Variants in GP6 observed in about 807,000 individuals in gnomAD.
GP6 encodes the protein platelet glycoprotein VI.
A neutral mutation model predicts 37.3 loss-of-function variants in GP6; 45 were observed. The ratio of observed to expected loss-of-function variants is 1.21; its 90% CI spans 0.95 to 1.55. The LOEUF is 1.55. GP6 is among the 40% of genes most tolerant of loss of function. The pLI is 0.00. For synonymous variants in GP6, 340 were observed against 316.4 expected, an observed-to-expected ratio of 1.07 and a Z score of -0.79; for missense variants, 813 against 760.2, an observed-to-expected ratio of 1.07 and a Z score of -0.82.
rs1233364305 is a variant in GP6 at position 55,033,255 on chromosome 19, G to A, written c.35-717C>T. ...CGTGTTAGACACGGTGGACTCGTTCGTGTTAGACACGGTGGACTCGTTCGT... is the reference window on the plus strand; with the variant it reads ...CGTGTTAGACACGGTGGACTCGTTCATGTTAGACACGGTGGACTCGTTCGT... On this transcript the variant is annotated intron_variant, in intron 1 of 7. Transcript: ENST00000310373. 2.1e-5 allele frequency among the ~76,000 whole-genome samples: 2 copies of A among 96,916 alleles called. 1 individual carries two copies. Among genetic ancestry groups the A allele is most frequent in the Non-Finnish European group, 4.2e-5 (2 of 48,114 alleles). 63.6% of individuals were successfully genotyped at this position (96,916 alleles called of 152,430 possible). A position where few individuals can be genotyped will look rare whatever the true frequency, so the allele number is the denominator to read the frequency against.
Position 55,038,200 on chromosome 19 carries a change from C to T in GP6, c.34+3G>A, listed in dbSNP as rs552154383. On this transcript the variant is annotated splice_donor_region_variant and intron_variant, in intron 1 of 7. Transcript: ENST00000310373. ...TTTCCCAGATCTGACCCTCAGGACT[C>T]ACCAAGACAGAAGAGGGCGGTCGGG... The T allele has an allele frequency of 6.3e-7, 1 of 1,590,812 alleles. No homozygotes were observed. The highest frequency in any genetic ancestry group is 1.1e-5 in the South Asian group (1 of 87,586).
intron 1 of GP6, among the ~76,000 whole-genome samples, chr19:55,034,304 C>T (rs1194178760): frequency 6.6e-6 from 1 of 152,028 alleles, no homozygotes. Context: ...TGCCTATAAT[C>T]CCAGCACTTT....
intron 1 of GP6, among the ~76,000 whole-genome samples, chr19:55,034,382 C>T (rs1170157627): frequency 6.6e-6 from 1 of 151,936 alleles, no homozygotes; most frequent in East Asian, 1.9e-4. Flanking sequence ...TGGTGAAACA[C>T]CATCTCTACT....
At chr19:55,027,983 G>A (rs1311065629) in intron 3 of GP6, 121 bp from the exon 4 acceptor site, 20 of 937,520 alleles carry the variant, frequency 2.1e-5, no homozygotes, top group Middle Eastern at 2.9e-4. Flanking sequence ...CCCAGAGAGC[G>A]CACTCCCCCA....
chr19:55,028,408 A>G (rs2074390952), intron 3 of GP6, among the ~76,000 whole-genome samples: 1 of 152,212 alleles, frequency 6.6e-6, no homozygotes, highest in Non-Finnish European at 1.5e-5. Flanking sequence ...TATAAATGAA[A>G]CTAAGGCACA....
chr19:55,038,132 C>G (rs1238240724), intron 1 of GP6, 71 bp downstream of exon 1: 1 of 1,276,290 alleles, frequency 7.8e-7, no homozygotes, highest in Non-Finnish European at 1.1e-6. Context: ...ATGCAAATTT[C>G]TTAAAAATCC....
chr19:55,030,095 A>T (rs2074503327), intron 3 of GP6, among the ~76,000 whole-genome samples: 1 of 152,210 alleles, frequency 6.6e-6, no homozygotes, highest in Admixed American at 6.6e-5. Flanking sequence ...TTCTGTTTGA[A>T]TACTTTATTC....
intron 7 of GP6, 46 bp from the exon 8 acceptor site, chr19:55,015,211 C>T (rs1280520842): frequency 1.3e-6 from 2 of 1,549,986 alleles, no homozygotes; most frequent in Admixed American, 2.0e-5. Context: ...AGCCCACCTC[C>T]AGGACCCCCT....
intron 2 of GP6, 47 bp downstream of exon 2, chr19:55,032,459 G>A (rs375999257): frequency 1.5e-4 from 234 of 1,613,208 alleles, no homozygotes; most frequent in Non-Finnish European, 1.8e-4. Flanking sequence ...CGCTGCTCCC[G>A]CGCTGGCGGA....
At chr19:55,031,945 C>A (rs565245595) in intron 3 of GP6, among the ~76,000 whole-genome samples, 194 bp downstream of exon 3, 1 of 152,108 alleles carries the variant, frequency 6.6e-6, no homozygotes, top group Non-Finnish European at 1.5e-5. Context: ...TGCTCTCCAC[C>A]CTGGGTGACG....
At chr19:55,024,031 GGT>G (rs1257285382) in intron 5 of GP6, among the ~76,000 whole-genome samples, 1 of 152,204 alleles carries the variant, frequency 6.6e-6, no homozygotes, top group African/African-American at 2.4e-5. Flanking sequence ...CTGCGGTGAT[GGT>G]GACGCGAATC....
At chr19:55,018,562 G>C (rs372482669) in intron 6 of GP6, 90 bp downstream of exon 6, 1 of 825,716 alleles carries the variant, frequency 1.2e-6, no homozygotes, top group Non-Finnish European at 2.2e-6. Context: ...GTTCGGTGAA[G>C]TGATTAAAAG....
At chr19:55,016,622 C>A (rs2073886691) in intron 6 of GP6, among the ~76,000 whole-genome samples, 1 of 151,938 alleles carries the variant, frequency 6.6e-6, no homozygotes, top group African/African-American at 2.4e-5. Context: ...GATCCGCCCG[C>A]CTAGGCCTCC....
At chr19:55,017,186 A>G (rs1313808871) in intron 6 of GP6, among the ~76,000 whole-genome samples, 1 of 150,560 alleles carries the variant, frequency 6.6e-6, no homozygotes, top group Non-Finnish European at 1.5e-5. Flanking sequence ...GTGTGATCTC[A>G]GGTCACTGCA....
At position 55,014,842 on chromosome 19, in the gene GP6, C is replaced by T. The variant is rs1291792706; in HGVS notation, c.1103G>A (p.Ser368Asn). ...TAGCCTCTGCCCTCCTGCTTCCACG[C>T]TCCACACACGCCAGTCTTTGAGTCG... Residue 368 changes from serine (S) to asparagine (N), a missense_variant, in exon 8 of 8, where the codon AGC becomes AAC. Transcript: ENST00000310373. The T allele has an allele frequency of 6.2e-7, 1 of 1,613,972 alleles. No individual in the cohort carries two copies. The highest frequency in any genetic ancestry group is 1.1e-5 in the South Asian group (1 of 91,076).
At chr19:55,031,141 A>G (rs1332453134) in intron 3 of GP6, among the ~76,000 whole-genome samples, 2 of 152,182 alleles carry the variant, frequency 1.3e-5, no homozygotes, top group Admixed American at 1.3e-4. Context: ...AACCACTGGG[A>G]CCAGTGCTAC....
chr19:55,022,658 A>G (rs1489200955), intron 5 of GP6, among the ~76,000 whole-genome samples: 1 of 152,222 alleles, frequency 6.6e-6, no homozygotes, highest in African/African-American at 2.4e-5. Flanking sequence ...AACTTCAGCA[A>G]AGTCTCAGGA....
chr19:55,014,924 T>G lies in GP6; in HGVS notation c.1021A>C (p.Met341Leu), dbSNP rs1378211039. 1 of 1,613,684 alleles carries G rather than the reference T, an allele frequency of 6.2e-7. No individual in the cohort carries two copies. Among genetic ancestry groups the G allele is most frequent in the Admixed American group, 1.7e-5 (1 of 60,012 alleles). Reference sequence around the variant, plus strand: ...GACCGTGCCTGGGGTTCAGCGGTCATGAACATAACCCGCGGCTGTGAACAT... The same window carrying G: ...GACCGTGCCTGGGGTTCAGCGGTCAGGAACATAACCCGCGGCTGTGAACAT... Residue 341 changes from methionine to leucine, a missense_variant, in exon 8 of 8, where the codon ATG (methionine) becomes CTG (leucine). Coordinates refer to ENST00000310373, the MANE Select transcript of GP6 (RefSeq NM_001083899.2).
At position 55,027,608 on chromosome 19, in the gene GP6, G is replaced by C. The variant is rs900564009; in HGVS notation, c.580C>G (p.Pro194Ala). 1 of 1,613,572 alleles carries C rather than the reference G, an allele frequency of 6.2e-7. No individual in the cohort carries two copies. The highest frequency in any genetic ancestry group is 2.2e-5 in the East Asian group (1 of 44,872). ...ACCACAAGCTCCAGGGGGTCGCTGG[G>C]GGCTGACCACAGGTATGGGTCCCTG... Residue 194 changes from proline to alanine, a missense_variant, in exon 4 of 8, where the codon CCC (proline) becomes GCC (alanine). Physicochemically the swap from Pro to Ala is conservative, Grantham distance 27. Coordinates refer to ENST00000310373, the MANE Select transcript of GP6 (RefSeq NM_001083899.2).
Sources: gnomAD v4.1 joint callset for allele counts (sites outside exome capture counted in the v4.1 genomes callset) on GRCh38, gnomAD v4.1.1 for gene constraint, MANE v1.5 for transcripts, NCBI Gene and HGNC (gene_info 2026-07-23, HGNC 2026-07-21) for gene names.